The following CCDC6 variants were observed in gnomAD, a reference collection of about 807,000 sequenced individuals.
The protein encoded by CCDC6 is coiled-coil domain containing 6.
A neutral mutation model predicts 56.6 loss-of-function variants in CCDC6; 20 were observed. That is an observed-to-expected ratio of 0.35 (90% CI 0.25 to 0.51). The LOEUF (loss-of-function observed/expected upper bound fraction) is 0.51. CCDC6 is among the 20% of genes least tolerant of loss of function. The probability of loss-of-function intolerance (pLI) is 0.95; values close to 1 mark genes in which losing one functional copy is unlikely to be tolerated. For missense variants in CCDC6, 367 were observed against 601.1 expected (o/e 0.61, Z 4.07); for synonymous variants, 241 against 234.4 (o/e 1.03, Z -0.26).
chr10:59,809,595 G>A (rs1338789617), intron 5 of CCDC6, among the ~76,000 whole-genome samples: 2 of 152,066 alleles, frequency 1.3e-5, no homozygotes, highest in Non-Finnish European at 2.9e-5. Context: ...TTGTTCCTAT[G>A]AGTCCTCCTC....
chr10:59,885,916 C>A (rs79004892), intron 1 of CCDC6, among the ~76,000 whole-genome samples: 2,291 of 106,904 alleles, frequency 0.021, 43 homozygotes, highest in Middle Eastern at 0.06. Context: ...TCCAACCCCG[C>A]CCCCCGCCCC....
intron 3 of CCDC6, among the ~76,000 whole-genome samples, chr10:59,815,590 G>A (rs1312048416): frequency 6.6e-6 from 1 of 152,138 alleles, no homozygotes; most frequent in East Asian, 1.9e-4. Flanking sequence ...TAGAAAAAGA[G>A]GGCTGGTAAG....
intron 6 of CCDC6, chr10:59,805,635 A>C (rs1365193681): frequency 6.6e-6 from 1 of 152,202 alleles, no homozygotes. Flanking sequence ...AGTTTTAGTC[A>C]AATGGTTCTT....
intron 1 of CCDC6, among the ~76,000 whole-genome samples, chr10:59,875,976 A>G (rs1232682295): frequency 1.3e-5 from 2 of 151,902 alleles, no homozygotes; most frequent in African/African-American, 4.8e-5. Context: ...TGCAATCCCA[A>G]AAAAAATAAC....
intron 1 of CCDC6, among the ~76,000 whole-genome samples, chr10:59,889,999 A>C (rs1326453278): frequency 6.6e-6 from 1 of 152,112 alleles, no homozygotes; most frequent in Non-Finnish European, 1.5e-5. Flanking sequence ...TTGTTTTCAC[A>C]ACTCTAGAGC....
chr10:59,805,852 T>C (rs1356476488), intron 6 of CCDC6, among the ~76,000 whole-genome samples: 1 of 152,228 alleles, frequency 6.6e-6, no homozygotes, highest in Non-Finnish European at 1.5e-5. Context: ...ATAAAGTCAC[T>C]GTCCACAGCA....
At chr10:59,798,743 C>A (rs10821601) in intron 7 of CCDC6, among the ~76,000 whole-genome samples, 15 of 151,836 alleles carry the variant, frequency 9.9e-5, no homozygotes, top group Non-Finnish European at 2.2e-4. Context: ...GCCTGTAATC[C>A]CACCACTTTG....
At chr10:59,805,984 C>T (rs145323815) in intron 6 of CCDC6, among the ~76,000 whole-genome samples, 4,023 of 152,260 alleles carry the variant, frequency 0.026, 69 homozygotes, top group Non-Finnish European at 0.04. Flanking sequence ...CAGTACTACT[C>T]GTCACAGCCA....
chr10:59,836,145 A>T (rs1377759276), intron 2 of CCDC6, among the ~76,000 whole-genome samples: 1 of 151,776 alleles, frequency 6.6e-6, no homozygotes, highest in Non-Finnish European at 1.5e-5. Context: ...GATGAGCAAG[A>T]GGTAGGAGGC....
chr10:59,792,780 C>T lies in CCDC6; in HGVS notation c.*137G>A, dbSNP rs752821087. 1.2e-5 allele frequency: 11 copies of T among 922,490 alleles called. No individual in the cohort carries two copies. The South Asian group carries it at 1.4e-4, about 12-fold the overall frequency. 57.1% of individuals were successfully genotyped at this position (922,490 alleles called of 1,614,324 possible). On this transcript the variant is annotated 3_prime_UTR_variant, in exon 9 of 9. Transcript: ENST00000263102. ...CTGCATTTCTGACAAACATTTACAA[C>T]ACAATGGATAGTGAAGCCTAGATAA... is the stretch of plus-strand genomic sequence containing the variant.
chr10:59,846,226 C>A (rs2070990208), intron 2 of CCDC6, among the ~76,000 whole-genome samples: 1 of 152,168 alleles, frequency 6.6e-6, no homozygotes, highest in South Asian at 2.1e-4. Context: ...CCAGAATTGA[C>A]AGGACAAGTG....
At chr10:59,842,120 G>A (rs1324856910) in intron 2 of CCDC6, among the ~76,000 whole-genome samples, 3 of 151,558 alleles carry the variant, frequency 2.0e-5, no homozygotes, top group African/African-American at 7.3e-5. Context: ...TTGGCTCAAT[G>A]CAACCTCTGC....
chr10:59,873,646 A>G (rs1350506249), intron 1 of CCDC6, among the ~76,000 whole-genome samples: 2 of 152,192 alleles, frequency 1.3e-5, no homozygotes, highest in Non-Finnish European at 2.9e-5. Context: ...CCTAAATTCT[A>G]AAACATATCT....
chr10:59,891,187 A>G (rs75448096), intron 1 of CCDC6, among the ~76,000 whole-genome samples: 1,723 of 152,324 alleles, frequency 0.011, 34 homozygotes, highest in African/African-American at 0.04. Context: ...TTTCCAATTG[A>G]AATACAGTTG....
intron 1 of CCDC6, among the ~76,000 whole-genome samples, chr10:59,898,257 ACATTT>A (rs1344781419): frequency 1.3e-5 from 2 of 152,182 alleles, no homozygotes; most frequent in African/African-American, 4.8e-5. Context: ...AATATCAATG[ACATTT>A]CTTTTCAATC....
chr10:59,820,423 A>G (rs2070740785), intron 3 of CCDC6, among the ~76,000 whole-genome samples: 2 of 152,328 alleles, frequency 1.3e-5, no homozygotes, highest in African/African-American at 4.8e-5. Context: ...TATTTGATTT[A>G]TAACACAAAT....
chr10:59,871,433 A>G (rs2071228948), intron 1 of CCDC6, among the ~76,000 whole-genome samples: 1 of 149,498 alleles, frequency 6.7e-6, no homozygotes, highest in Non-Finnish European at 1.5e-5. Flanking sequence ...CCAAAGCTCA[A>G]CATCAAGATT....
Position 59,812,768 on chromosome 10 carries a change from G to A in CCDC6, c.714C>T (p.Pro238=), listed in dbSNP as rs760941928. The A allele has an allele frequency of 1.0e-5, 16 of 1,606,922 alleles. 1 individual carries two copies. Among genetic ancestry groups the A allele is most frequent in the African/African-American group, 5.4e-5 (4 of 74,670 alleles). The part of the protein sequence containing the change: ...KRILQEKLDQ[P]VSAPPSPRDI... ...CTCTAGGCGATGGTGGAGCAGAGAC[G>A]GGCTGGTCTAATTTTTCCTGCAGGA... The change falls in exon 5 of 9, where the codon CCC becomes CCT. Residue 238 remains proline (P), a synonymous_variant. Transcript: ENST00000263102.
rs774063786 is a variant in CCDC6 at position 59,852,543 on chromosome 10, GATA to G, written c.453+7_453+9del. 1.3e-6 allele frequency: 2 copies of G among 1,564,066 alleles called. No homozygotes were observed. The highest frequency in any genetic ancestry group is 1.7e-6 in the Non-Finnish European group (2 of 1,161,976). ...GCAGGGAAGATGAGGGAGTAGAAAA[GATA>G]ATTTACCTGCATCAATTTTCTGGAG... On this transcript the variant is annotated splice_region_variant and intron_variant, in intron 2 of 8. Transcript: ENST00000263102.
Sources: allele counts gnomAD v4.1 joint callset (sites outside exome capture counted in the v4.1 genomes callset), GRCh38; gene constraint gnomAD v4.1.1; transcripts MANE v1.5; gene names NCBI Gene and HGNC (gene_info 2026-07-23, HGNC 2026-07-21).